The following AGBL4 variants were observed in gnomAD, a reference collection of about 807,000 sequenced individuals.
AGBL4 encodes the protein cytosolic carboxypeptidase 6.
AGBL4 carries 58 observed loss-of-function variants against 66.4 expected under a neutral mutation model. The ratio of observed to expected loss-of-function variants is 0.87; its 90% CI spans 0.71 to 1.09. The LOEUF is 1.09. Ranked by LOEUF, AGBL4 falls within the 50% of genes least tolerant of loss-of-function variation. The probability of loss-of-function intolerance (pLI) is 0.00; values close to 1 mark genes in which losing one functional copy is unlikely to be tolerated. For missense variants in AGBL4, 579 were observed against 631.0 expected, an observed-to-expected ratio of 0.92 and a Z score of 0.88; for synonymous variants, 234 against 222.9, an observed-to-expected ratio of 1.05 and a Z score of -0.44.
At chr1:49,919,189 C>A (rs989428099) in intron 1 of AGBL4, among the ~76,000 whole-genome samples, 6 of 152,156 alleles carry the variant, frequency 3.9e-5, no homozygotes, top group African/African-American at 1.4e-4. Context: ...CAGGGACGAC[C>A]TCTCTCACCA....
At chr1:48,877,015 C>T (rs949954491) in intron 5 of AGBL4, among the ~76,000 whole-genome samples, 4 of 152,130 alleles carry the variant, frequency 2.6e-5, no homozygotes, top group African/African-American at 9.7e-5. Context: ...GAGCAAGGGT[C>T]TTTGGAGATC....
chr1:49,362,449 CA>C (rs145467066), intron 3 of AGBL4, among the ~76,000 whole-genome samples: 14,540 of 81,168 alleles, frequency 0.18, 778 homozygotes, highest in African/African-American at 0.27. Flanking sequence ...GACCCTGTCT[CA>C]AAAAAAAAAA....
At chr1:48,659,626 C>T (rs1646075385) in intron 7 of AGBL4, among the ~76,000 whole-genome samples, 1 of 152,214 alleles carries the variant, frequency 6.6e-6, no homozygotes, top group Admixed American at 6.5e-5. Flanking sequence ...AAGCTCCTGG[C>T]TTGCAAAGTG....
At chr1:48,543,971 C>T (rs750033131) in intron 11 of AGBL4, among the ~76,000 whole-genome samples, 7 of 152,216 alleles carry the variant, frequency 4.6e-5, no homozygotes, top group Non-Finnish European at 8.8e-5. Flanking sequence ...ACTCCAGAAC[C>T]ATGAGCTTTC....
At chr1:49,765,304 T>C (rs1022554631) in intron 2 of AGBL4, among the ~76,000 whole-genome samples, 2 of 151,944 alleles carry the variant, frequency 1.3e-5, no homozygotes, top group African/African-American at 2.4e-5. Context: ...TCAAACCACA[T>C]GGCTCAATAC....
chr1:48,660,980 G>A (rs320002), intron 7 of AGBL4, among the ~76,000 whole-genome samples: 78,517 of 151,956 alleles, frequency 0.52, 21,355 homozygotes, highest in Middle Eastern at 0.65. Context: ...GTAACCCTGA[G>A]GCTCCTCTTT....
At chr1:49,427,926 T>C (rs1645701219) in intron 3 of AGBL4, among the ~76,000 whole-genome samples, 1 of 151,900 alleles carries the variant, frequency 6.6e-6, no homozygotes, top group African/African-American at 2.4e-5. Flanking sequence ...ACAGTGCTGA[T>C]TGGTGCATTT....
chr1:48,662,816 G>T (rs1646129137), intron 7 of AGBL4, among the ~76,000 whole-genome samples: 1 of 152,156 alleles, frequency 6.6e-6, no homozygotes, highest in Non-Finnish European at 1.5e-5. Context: ...ATTTCTTGCT[G>T]TTGTAAACCA....
rs1240182647 is a variant in AGBL4, at chr1:48,736,654, A to C, written c.635-73413T>G. Among the ~76,000 whole-genome samples, 1 of 152,132 alleles carries C rather than the reference A, an allele frequency of 6.6e-6. No individual in the cohort carries two copies. Among genetic ancestry groups the C allele is most frequent in the Non-Finnish European group, 1.5e-5 (1 of 68,024 alleles). On this transcript the variant is annotated intron_variant, in intron 6 of 13. Coordinates refer to ENST00000371839, the MANE Select transcript of AGBL4 (RefSeq NM_032785.4). The surrounding 1 kb of genome is among the most constrained non-coding windows in gnomAD (Gnocchi z 4.0). ...GCCAGGCCTTATTCTAGGGCTTTAT[A>C]TTTGCTATCTTAAATCTTCATGGCA... is the stretch of plus-strand genomic sequence containing the variant.
At chr1:49,934,408 T>C (rs1046823838) in intron 1 of AGBL4, among the ~76,000 whole-genome samples, 14 of 152,262 alleles carry the variant, frequency 9.2e-5, no homozygotes, top group African/African-American at 2.2e-4. Flanking sequence ...AAAAGAGTCT[T>C]GATAAATTTA....
chr1:48,803,717 C>G (rs548357523), intron 6 of AGBL4, among the ~76,000 whole-genome samples: 1 of 152,196 alleles, frequency 6.6e-6, no homozygotes, highest in Non-Finnish European at 1.5e-5. Flanking sequence ...CTTGGCTCTG[C>G]CTCTCAGGAC....
chr1:49,012,495 G>T (rs1376470421), intron 5 of AGBL4, among the ~76,000 whole-genome samples: 2 of 152,174 alleles, frequency 1.3e-5, no homozygotes, highest in African/African-American at 2.4e-5. Context: ...CATAAGATAA[G>T]AAGAGAGAGC....
intron 1 of AGBL4, among the ~76,000 whole-genome samples, chr1:49,939,583 A>C (rs541966043): frequency 6.6e-6 from 1 of 152,276 alleles, no homozygotes; most frequent in Admixed American, 6.5e-5. Context: ...GACAAACCTG[A>C]GAAAAACAAG....
At chr1:49,927,293 C>T (rs1652874109) in intron 1 of AGBL4, among the ~76,000 whole-genome samples, 1 of 152,062 alleles carries the variant, frequency 6.6e-6, no homozygotes, top group African/African-American at 2.4e-5. Flanking sequence ...TTTCACACTG[C>T]TAAGAAGAAA....
intron 6 of AGBL4, among the ~76,000 whole-genome samples, chr1:48,693,039 A>C (rs12240072): frequency 0.061 from 9,226 of 152,250 alleles, 908 homozygotes; most frequent in African/African-American, 0.21. Flanking sequence ...TGCAGGATTC[A>C]ATCCTAGGTC....
chr1:48,544,055 G>A (rs950479116), intron 11 of AGBL4, among the ~76,000 whole-genome samples: 2 of 152,208 alleles, frequency 1.3e-5, no homozygotes, highest in African/African-American at 4.8e-5. Flanking sequence ...GCCAGTGCCT[G>A]ATGGGAGAAG....
chr1:49,630,546 G>T (rs1262229295), intron 3 of AGBL4, among the ~76,000 whole-genome samples: 2 of 152,136 alleles, frequency 1.3e-5, no homozygotes, highest in East Asian at 3.9e-4. Context: ...TGATTGCCTA[G>T]GTGTGAAAAT....
At chr1:49,920,585 G>T (rs1652118837) in intron 1 of AGBL4, among the ~76,000 whole-genome samples, 1 of 152,040 alleles carries the variant, frequency 6.6e-6, no homozygotes, top group Non-Finnish European at 1.5e-5. Context: ...AAAAAGTCAG[G>T]AAACAACAGG....
At chr1:49,982,763 CT>C (rs1659169727) in intron 1 of AGBL4, among the ~76,000 whole-genome samples, 1 of 152,170 alleles carries the variant, frequency 6.6e-6, no homozygotes, top group South Asian at 2.1e-4. Context: ...GGACAATCAG[CT>C]GTGGAGAGGG....
Sources: allele counts gnomAD v4.1 joint callset (sites outside exome capture counted in the v4.1 genomes callset), GRCh38; gene constraint gnomAD v4.1.1; non-coding constraint Gnocchi (gnomAD v3.1); transcripts MANE v1.5; gene names NCBI Gene and HGNC (gene_info 2026-07-23, HGNC 2026-07-21).